PIK3C3: variants seen among roughly 807,000 people sequenced by gnomAD.
The protein encoded by PIK3C3 is phosphatidylinositol 3-kinase catalytic subunit type 3, also known as PI3-kinase type 3.
A neutral mutation model predicts 126.1 loss-of-function variants in PIK3C3; 95 were observed. That is an observed-to-expected ratio of 0.75 (90% CI 0.64 to 0.89). PIK3C3 has a LOEUF of 0.89. Ranked by LOEUF, PIK3C3 falls within the 40% of genes least tolerant of loss-of-function variation. The pLI, the probability that PIK3C3 is intolerant of heterozygous loss-of-function variation, is 0.00. For missense variants in PIK3C3, 829 were observed against 1,063.2 expected, an observed-to-expected ratio of 0.78 and a Z score of 3.06; for synonymous variants, 374 against 360.0, an observed-to-expected ratio of 1.04 and a Z score of -0.44.
At chr18:41,987,092 C>G (rs1327599773) in intron 4 of PIK3C3, among the ~76,000 whole-genome samples, 4 of 150,614 alleles carry the variant, frequency 2.7e-5, no homozygotes, top group Non-Finnish European at 5.9e-5. Flanking sequence ...TTGCTTTATA[C>G]TGTCAATTTG....
At chr18:41,988,687 G>T (rs1230405471) in intron 5 of PIK3C3, among the ~76,000 whole-genome samples, 1 of 152,122 alleles carries the variant, frequency 6.6e-6, no homozygotes, top group Admixed American at 6.6e-5. Context: ...ACAAAAGTTA[G>T]ATTTTAGCAT....
At chr18:42,009,662 A>C in intron 10 of PIK3C3, among the ~76,000 whole-genome samples, 1 of 145,168 alleles carries the variant, frequency 6.9e-6, no homozygotes. Context: ...TATGTAATGT[A>C]CATTATGTAA....
chr18:41,984,362 A>G (rs932769420), intron 4 of PIK3C3, among the ~76,000 whole-genome samples: 9 of 152,192 alleles, frequency 5.9e-5, no homozygotes, highest in Non-Finnish European at 1.3e-4. Context: ...CATTGTTATC[A>G]GCACCCATAA....
At chr18:42,062,207 A>G (rs1057108187) in intron 22 of PIK3C3, among the ~76,000 whole-genome samples, 2 of 152,024 alleles carry the variant, frequency 1.3e-5, no homozygotes, top group Non-Finnish European at 2.9e-5. Context: ...AAAACAGAGT[A>G]CGAATGATGG....
rs183503959 is a variant in PIK3C3 at position 42,068,676 on chromosome 18, C to T, written c.2649+1163C>T. 3.0e-4 allele frequency among the ~76,000 whole-genome samples: 46 copies of T among 152,128 alleles called. No homozygotes were observed. The East Asian group carries it at 8.1e-3, about 27-fold the overall frequency. On this transcript the variant is annotated intron_variant, in intron 24 of 24. Coordinates refer to ENST00000262039, the MANE Select transcript of PIK3C3 (RefSeq NM_002647.4). Reference sequence around the variant, plus strand: ...AGATATTTAGATTCCCGGGGCCAGGCGCGGTGGCTCACGCCTGTAATCCCA... The same window carrying T: ...AGATATTTAGATTCCCGGGGCCAGGTGCGGTGGCTCACGCCTGTAATCCCA...
intron 15 of PIK3C3, among the ~76,000 whole-genome samples, 170 bp downstream of exon 15, chr18:42,029,611 C>T (rs572114123): frequency 2.9e-5 from 4 of 137,222 alleles, no homozygotes; most frequent in South Asian, 2.4e-4. Flanking sequence ...GGCACGATCT[C>T]GGCTCACTGC....
rs757388427 is a variant in PIK3C3, at chr18:41,957,562, G to C, written c.69-8G>C. ...ATGTCTGAAACATTGTTGGTCTTGTGCTTTCAGAGGAAGCTTGGAAGGGAA... is the reference window on the plus strand; with the variant it reads ...ATGTCTGAAACATTGTTGGTCTTGTCCTTTCAGAGGAAGCTTGGAAGGGAA... On this transcript the variant is annotated splice_region_variant and splice_polypyrimidine_tract_variant and intron_variant, in intron 1 of 24. Coordinates refer to ENST00000262039, the MANE Select transcript of PIK3C3 (RefSeq NM_002647.4). The C allele has an allele frequency of 6.2e-7, 1 of 1,604,084 alleles. No individual in the cohort carries two copies. Among genetic ancestry groups the C allele is most frequent in the Non-Finnish European group, 8.5e-7 (1 of 1,177,638 alleles).
Position 42,043,799 on chromosome 18 carries a change from A to G in PIK3C3, c.2170A>G (p.Thr724Ala), listed in dbSNP as rs1187513059. The change falls in exon 20 of 25, where the codon ACT becomes GCT. Residue 724 changes from threonine (T) to alanine (A), a missense_variant. Thr to Ala is a moderately conservative substitution (Grantham distance 58). Coordinates refer to ENST00000262039, the MANE Select transcript of PIK3C3 (RefSeq NM_002647.4). ...TGGGATTAGTGCTGAGGTCATGGAC[A>G]CTTACGTTAAAAGCTGTGGTAAGTT... The part of the protein sequence containing the change: ...PNGISAEVMD[T>A]YVKSCAGYCV... 1.2e-6 allele frequency: 2 copies of G among 1,612,352 alleles called. No homozygotes were observed. The highest frequency in any genetic ancestry group is 1.7e-6 in the Non-Finnish European group (2 of 1,178,682).
intron 3 of PIK3C3, among the ~76,000 whole-genome samples, chr18:41,963,295 C>G (rs148843041): frequency 1.3e-5 from 2 of 152,324 alleles, no homozygotes; most frequent in African/African-American, 4.8e-5. Flanking sequence ...TTTTAACTTT[C>G]TTTCCCTTTA....
At chr18:42,027,936 G>A (rs1405880283) in intron 14 of PIK3C3, among the ~76,000 whole-genome samples, 10 of 152,278 alleles carry the variant, frequency 6.6e-5, no homozygotes, top group African/African-American at 2.2e-4. Context: ...CATTACAGGC[G>A]TGAGCCACTA....
chr18:42,085,765 G>T lies in PIK3C3; in HGVS notation c.*4628G>T, dbSNP rs1986385251. On this transcript the variant is annotated 3_prime_UTR_variant, in exon 25 of 25. Transcript: ENST00000262039. ...GAGAAATGGAAATAAGCTCAAAATG[G>T]GTAGAGTAACCCATTTCTGCATGAA... The T allele has an allele frequency of 1.3e-5, 2 of 152,100 alleles. No homozygotes were observed. Among genetic ancestry groups the T allele is most frequent in the Non-Finnish European group, 2.9e-5 (2 of 68,028 alleles). 9.4% of individuals were successfully genotyped at this position (152,100 alleles called of 1,614,324 possible).
At chr18:42,010,790 C>T (rs1471229595) in intron 10 of PIK3C3, among the ~76,000 whole-genome samples, 2 of 152,146 alleles carry the variant, frequency 1.3e-5, no homozygotes, top group Non-Finnish European at 2.9e-5. Flanking sequence ...TTTCCAGAAG[C>T]TTTTCAATTT....
At chr18:42,025,006 G>T (rs527493617) in intron 13 of PIK3C3, among the ~76,000 whole-genome samples, 3 of 151,626 alleles carry the variant, frequency 2.0e-5, no homozygotes, top group Non-Finnish European at 2.9e-5. Context: ...TAGAGACGGG[G>T]TTTCACCGTG....
At chr18:41,996,423 A>C (rs1175551928) in intron 8 of PIK3C3, among the ~76,000 whole-genome samples, 1 of 152,168 alleles carries the variant, frequency 6.6e-6, no homozygotes, top group Non-Finnish European at 1.5e-5. Context: ...TTCCTATGGA[A>C]TATGACTTTA....
intron 5 of PIK3C3, among the ~76,000 whole-genome samples, chr18:41,988,332 C>G (rs1981600058): frequency 6.6e-6 from 1 of 152,080 alleles, no homozygotes; most frequent in Non-Finnish European, 1.5e-5. Context: ...GACTCCGCAC[C>G]CTCTATAAAG....
At chr18:41,980,826 G>A (rs142049889) in intron 4 of PIK3C3, among the ~76,000 whole-genome samples, 46 of 152,092 alleles carry the variant, frequency 3.0e-4, no homozygotes, top group African/African-American at 1.0e-3. Context: ...GAAGAAAAAC[G>A]GTGTCCTAAA....
rs1351211361 is a variant in PIK3C3, at chr18:42,086,026, CAGG to C, written c.*4894_*4896del. 6.6e-6 allele frequency: 1 copy of C among 152,178 alleles called. No homozygotes were observed. The highest frequency in any genetic ancestry group is 1.5e-5 in the Non-Finnish European group (1 of 68,186). The allele number at this position is 152,178 out of a possible 1,614,324, so 9.4% of individuals were successfully genotyped here. On this transcript the variant is annotated 3_prime_UTR_variant, in exon 25 of 25. Coordinates refer to ENST00000262039, the MANE Select transcript of PIK3C3 (RefSeq NM_002647.4). ...ATCACAGCTACCTGGGAGGCTGAGG[CAGG>C]AGGATTGCTTGAGCCTGGGAGGCAG...
Position 41,988,689 on chromosome 18 carries a change from T to C in PIK3C3, c.618+791T>C, listed in dbSNP as rs189543158. On this transcript the variant is annotated intron_variant, in intron 5 of 24. Transcript: ENST00000262039. The stretch of plus-strand genomic sequence containing the variant: ...ACAGTGAACTATTACAAAAGTTAGA[T>C]TTTAGCATTATTCTTTTATTTTAAA... Among the ~76,000 whole-genome samples the C allele has an allele frequency of 2.1e-4, 32 of 152,290 alleles. No homozygotes were observed. The East Asian group carries it at 6.0e-3, about 28-fold the overall frequency.
intron 17 of PIK3C3, 71 bp downstream of exon 17, chr18:42,037,891 GT>G: frequency 7.3e-7 from 1 of 1,371,562 alleles, no homozygotes; most frequent in Non-Finnish European, 1.0e-6. Flanking sequence ...TTCATTTGCT[GT>G]TTATGGAACA....
Sources: gnomAD v4.1 joint callset for allele counts (sites outside exome capture counted in the v4.1 genomes callset) on GRCh38, gnomAD v4.1.1 for gene constraint, MANE v1.5 for transcripts, NCBI Gene and HGNC (gene_info 2026-07-23, HGNC 2026-07-21) for gene names.